RBMS3: variants seen among roughly 807,000 people sequenced by gnomAD.
RBMS3 encodes RNA-binding motif, single-stranded-interacting protein 3.
Under a neutral mutation model 66.8 loss-of-function variants are expected in RBMS3, and 27 were observed. The observed-to-expected ratio is 0.40, with a 90% CI of 0.30 to 0.56. The LOEUF (loss-of-function observed/expected upper bound fraction) is 0.56, where lower values mean the gene tolerates loss of function less well. Among genes scored for constraint, RBMS3 ranks in the 20% least tolerant of loss-of-function variants. The pLI, the probability that RBMS3 is intolerant of heterozygous loss-of-function variation, is 0.40. For missense variants in RBMS3, 513 were observed against 549.5 expected (o/e 0.93, Z 0.66); for synonymous variants, 188 against 183.0 (o/e 1.03, Z -0.22).
intron 10 of RBMS3, among the ~76,000 whole-genome samples, chr3:29,933,650 ATTTT>A (rs1351055323): frequency 6.6e-6 from 1 of 152,068 alleles, no homozygotes; most frequent in Non-Finnish European, 1.5e-5. Context: ...TCCTTATTTT[ATTTT>A]TTATTTATGT....
chr3:29,602,287 T>A (rs2048172942), intron 4 of RBMS3, among the ~76,000 whole-genome samples: 1 of 152,034 alleles, frequency 6.6e-6, no homozygotes, highest in African/African-American at 2.4e-5. Flanking sequence ...GAGGAAATGG[T>A]CCATGGACCC....
intron 6 of RBMS3, among the ~76,000 whole-genome samples, chr3:29,835,375 T>G (rs2058477825): frequency 1.3e-5 from 2 of 151,980 alleles, no homozygotes; most frequent in South Asian, 4.1e-4. Flanking sequence ...GAATAGATCA[T>G]ATGTTAATCC....
chr3:29,438,818 G>T (rs1343997023), intron 2 of RBMS3, among the ~76,000 whole-genome samples: 2 of 152,056 alleles, frequency 1.3e-5, no homozygotes, highest in African/African-American at 2.4e-5. Flanking sequence ...AGATAAAGGA[G>T]AAATATTATA....
At chr3:29,774,657 A>G (rs1361222681) in intron 6 of RBMS3, among the ~76,000 whole-genome samples, 1 of 152,008 alleles carries the variant, frequency 6.6e-6, no homozygotes, top group Admixed American at 6.6e-5. Context: ...TCATAATACG[A>G]ATTCATTATT....
chr3:29,388,339 C>A (rs945768986), intron 1 of RBMS3, among the ~76,000 whole-genome samples: 12 of 152,076 alleles, frequency 7.9e-5, no homozygotes, highest in African/African-American at 2.9e-4. Context: ...ATTTTTAGCA[C>A]CTAGAAGAGT....
At chr3:29,708,445 A>G (rs2053007834) in intron 4 of RBMS3, among the ~76,000 whole-genome samples, 1 of 152,222 alleles carries the variant, frequency 6.6e-6, no homozygotes, top group South Asian at 2.1e-4. Flanking sequence ...CAGATGTTCC[A>G]TTTGGGAAAA....
chr3:29,925,869 AT>A (rs1461609140), intron 10 of RBMS3, among the ~76,000 whole-genome samples: 2 of 152,206 alleles, frequency 1.3e-5, no homozygotes, highest in East Asian at 1.9e-4. Flanking sequence ...ACTAAAAAAA[AT>A]GTTAAAATTA....
rs17023483 is a variant in RBMS3 at position 29,440,674 on chromosome 3, T to C, written c.248+5759T>C. Reference sequence around the variant, plus strand: ...AGGAACGAAATAGAAGTGTTTGCGCTGGAGAGCCGAAGGGTCTGCCCAAGC... The same window carrying C: ...AGGAACGAAATAGAAGTGTTTGCGCCGGAGAGCCGAAGGGTCTGCCCAAGC... On this transcript the variant is annotated intron_variant, in intron 2 of 14. Transcript: ENST00000383767. Among the ~76,000 whole-genome samples the C allele has an allele frequency of 9.4e-3, 1,425 of 152,350 alleles. 23 individuals carry two copies. The highest frequency in any genetic ancestry group is 0.032 in the African/African-American group (1,346 of 41,576).
intron 1 of RBMS3, among the ~76,000 whole-genome samples, chr3:29,408,454 A>G (rs1297592457): frequency 6.6e-6 from 1 of 152,070 alleles, no homozygotes; most frequent in Non-Finnish European, 1.5e-5. Context: ...CATAAGCACT[A>G]TAAAAGTGAT....
In RBMS3 at chr3:29,692,514, C is replaced by T. The variant is rs560577409; in HGVS notation, c.400-47206C>T. On this transcript the variant is annotated intron_variant, in intron 4 of 14. Coordinates refer to ENST00000383767, the MANE Select transcript of RBMS3 (RefSeq NM_001003793.3). Reference sequence around the variant, plus strand: ...CACATTAAAAACGGAACAACAGAACCGTAGAAAAAGTGGAGTAATCTCAAG... The same window carrying T: ...CACATTAAAAACGGAACAACAGAACTGTAGAAAAAGTGGAGTAATCTCAAG... 2.6e-5 allele frequency among the ~76,000 whole-genome samples: 4 copies of T among 152,126 alleles called. No homozygotes were observed. In the South Asian group the frequency reaches 6.2e-4, roughly 24 times the overall value.
At chr3:29,762,167 G>C (rs911535276) in intron 5 of RBMS3, among the ~76,000 whole-genome samples, 1 of 152,068 alleles carries the variant, frequency 6.6e-6, no homozygotes, top group Non-Finnish European at 1.5e-5. Flanking sequence ...TAGGAATATT[G>C]ATAAGATAGT....
intron 10 of RBMS3, among the ~76,000 whole-genome samples, chr3:29,908,382 C>T (rs2060435793): frequency 6.6e-6 from 1 of 152,052 alleles, no homozygotes. Flanking sequence ...ATGCCACGGT[C>T]TTAACAAAAT....
At chr3:29,291,735 A>ACCT (rs2032833701) in intron 1 of RBMS3, among the ~76,000 whole-genome samples, 1 of 151,774 alleles carries the variant, frequency 6.6e-6, no homozygotes, top group East Asian at 1.9e-4. Context: ...GGATAATAAC[A>ACCT]TCTCTTGGTG....
intron 6 of RBMS3, among the ~76,000 whole-genome samples, chr3:29,828,720 G>T (rs1198993070): frequency 6.6e-6 from 1 of 152,168 alleles, no homozygotes; most frequent in African/African-American, 2.4e-5. Flanking sequence ...ACAGATGTTG[G>T]ATTGGAAACT....
chr3:29,968,311 T>C (rs923627571), intron 12 of RBMS3, among the ~76,000 whole-genome samples: 7 of 152,224 alleles, frequency 4.6e-5, no homozygotes, highest in Admixed American at 3.9e-4. Flanking sequence ...TTCCCCTGCC[T>C]GTGAAGTCCG....
At chr3:29,978,283 A>G (rs1343751705) in intron 12 of RBMS3, among the ~76,000 whole-genome samples, 1 of 152,208 alleles carries the variant, frequency 6.6e-6, no homozygotes, top group Non-Finnish European at 1.5e-5. Flanking sequence ...CTGAGGATTT[A>G]CCTTAGAAAG....
intron 3 of RBMS3, among the ~76,000 whole-genome samples, chr3:29,522,343 C>A (rs999374450): frequency 6.6e-6 from 1 of 152,154 alleles, no homozygotes; most frequent in South Asian, 2.1e-4. Context: ...CAGGCCCCCA[C>A]CACCATGCCC....
At chr3:29,648,655 C>T (rs967597360) in intron 4 of RBMS3, among the ~76,000 whole-genome samples, 12 of 152,132 alleles carry the variant, frequency 7.9e-5, no homozygotes, top group Admixed American at 3.3e-4. Context: ...ATTCTTGAAA[C>T]TTCTTGCACT....
intron 2 of RBMS3, among the ~76,000 whole-genome samples, chr3:29,476,685 G>T (rs2042958953): frequency 6.6e-6 from 1 of 152,090 alleles, no homozygotes; most frequent in African/African-American, 2.4e-5. Context: ...AAGAAAAACA[G>T]AGTTATTTTG....
Sources: gnomAD v4.1 joint callset for allele counts (sites outside exome capture counted in the v4.1 genomes callset) on GRCh38, gnomAD v4.1.1 for gene constraint, MANE v1.5 for transcripts, NCBI Gene and HGNC (gene_info 2026-07-23, HGNC 2026-07-21) for gene names.